The following CTNNA2 variants were observed in gnomAD, a reference collection of about 807,000 sequenced individuals.
CTNNA2 encodes catenin alpha 2, also known as catenin alpha-2.
Under a neutral mutation model 101.0 loss-of-function variants are expected in CTNNA2, and 42 were observed. That is an observed-to-expected ratio of 0.42 (90% confidence interval 0.32 to 0.54). The LOEUF (loss-of-function observed/expected upper bound fraction) is 0.54, where lower values mean the gene tolerates loss of function less well. Among genes scored for constraint, CTNNA2 ranks in the 20% least tolerant of loss-of-function variants. The pLI is 0.14. For missense variants in CTNNA2, 871 were observed against 1,223.1 expected (o/e 0.71, Z 4.29); for synonymous variants, 450 against 456.4 (o/e 0.99, Z 0.18).
At chr2:80,504,484 C>T (rs1307025674) in intron 9 of CTNNA2, among the ~76,000 whole-genome samples, 1 of 152,094 alleles carries the variant, frequency 6.6e-6, no homozygotes, top group East Asian at 1.9e-4. Context: ...TGAATCCTTT[C>T]CATACTCTAG....
chr2:80,476,108 A>G (rs549693527), intron 9 of CTNNA2, among the ~76,000 whole-genome samples: 3 of 152,238 alleles, frequency 2.0e-5, no homozygotes, highest in Non-Finnish European at 4.4e-5. Flanking sequence ...GAACTGAGCT[A>G]AATGTCATTC....
Position 80,202,926 on chromosome 2 carries a change from G to A in CTNNA2, c.1057-190285G>A, listed in dbSNP as rs546861673. The stretch of plus-strand genomic sequence containing the variant: ...TATGGACTTACAGTTCCACGTGACC[G>A]GGGAGGCCTAACAATCATGGCAGAA... On this transcript the variant is annotated intron_variant, in intron 7 of 18. Transcript: ENST00000402739. Among the ~76,000 whole-genome samples, 41 of 152,260 alleles carry A rather than the reference G, an allele frequency of 2.7e-4. No homozygotes were observed. In the South Asian group the frequency reaches 6.8e-3, roughly 25 times the overall value.
intron 7 of CTNNA2, among the ~76,000 whole-genome samples, chr2:80,372,083 A>T (rs1675494253): frequency 6.6e-6 from 1 of 152,160 alleles, no homozygotes; most frequent in Admixed American, 6.6e-5. Flanking sequence ...GGACAATATA[A>T]GAAATTTTGA....
At chr2:79,239,496 G>C (rs1280143314) in intron 2 of CTNNA2, among the ~76,000 whole-genome samples, 1 of 151,990 alleles carries the variant, frequency 6.6e-6, no homozygotes, top group Admixed American at 6.6e-5. Flanking sequence ...CTCCAGCCTG[G>C]GTGACAGAGA....
chr2:79,322,850 C>T (rs1442562134), intron 3 of CTNNA2, among the ~76,000 whole-genome samples: 3 of 152,114 alleles, frequency 2.0e-5, no homozygotes, highest in Non-Finnish European at 2.9e-5. Context: ...CCCAGTCAAA[C>T]GGTCTTTCCA....
intron 9 of CTNNA2, among the ~76,000 whole-genome samples, chr2:80,445,726 T>G (rs1351030752): frequency 6.6e-6 from 1 of 152,216 alleles, no homozygotes; most frequent in African/African-American, 2.4e-5. Flanking sequence ...ACTGACATTG[T>G]TGCTATAGTC....
chr2:80,065,686 C>T (rs1697938691), intron 7 of CTNNA2, among the ~76,000 whole-genome samples: 1 of 152,088 alleles, frequency 6.6e-6, no homozygotes, highest in Non-Finnish European at 1.5e-5. Context: ...TGCCTTCGTT[C>T]CATAAATTAC....
chr2:80,435,802 A>G (rs1000789755), intron 9 of CTNNA2, among the ~76,000 whole-genome samples: 7 of 152,210 alleles, frequency 4.6e-5, no homozygotes, highest in African/African-American at 1.7e-4. Context: ...GGATAGGCCT[A>G]TGATCAATCT....
intron 6 of CTNNA2, among the ~76,000 whole-genome samples, chr2:79,882,620 C>G (rs1409554031): frequency 1.3e-5 from 2 of 152,232 alleles, no homozygotes; most frequent in African/African-American, 4.8e-5. Flanking sequence ...CTTACCCCTC[C>G]CAGGAAGCTT....
intron 7 of CTNNA2, among the ~76,000 whole-genome samples, chr2:79,953,983 A>C (rs1325699054): frequency 6.6e-6 from 1 of 152,156 alleles, no homozygotes; most frequent in Admixed American, 6.5e-5. Context: ...CTATCTAGAC[A>C]CTACCTGAAA....
intron 7 of CTNNA2, among the ~76,000 whole-genome samples, chr2:80,043,097 C>CTTTCTT (rs1558755056): frequency 0.011 from 260 of 24,288 alleles, 2 homozygotes; most frequent in South Asian, 0.031. Context: ...CTTTCTTTCT[C>CTTTCTT]TCTCTCTCTC....
chr2:79,363,907 G>A (rs996568837), intron 3 of CTNNA2, among the ~76,000 whole-genome samples: 1 of 152,204 alleles, frequency 6.6e-6, no homozygotes, highest in Non-Finnish European at 1.5e-5. Flanking sequence ...AGGTCAAAGA[G>A]GATTGAATGT....
chr2:79,283,740 G>A (rs12996699), intron 2 of CTNNA2, among the ~76,000 whole-genome samples: 11,085 of 50,658 alleles, frequency 0.22, 1,028 homozygotes, highest in East Asian at 0.45. Context: ...TTGGCGATGC[G>A]GGCTCTTTTT....
At chr2:79,468,305 GATGA>G (rs1401858183) in intron 4 of CTNNA2, among the ~76,000 whole-genome samples, 2 of 152,162 alleles carry the variant, frequency 1.3e-5, no homozygotes, top group Admixed American at 6.5e-5. Flanking sequence ...ATGGTAAAGG[GATGA>G]ATTCAACAAG....
intron 3 of CTNNA2, among the ~76,000 whole-genome samples, chr2:79,345,695 G>T (rs760795939): frequency 3.3e-5 from 5 of 151,866 alleles, no homozygotes; most frequent in Non-Finnish European, 7.4e-5. Flanking sequence ...TTTTTTGTGG[G>T]TTGTTTGTCT....
chr2:80,317,462 A>G (rs1350031584), intron 7 of CTNNA2, among the ~76,000 whole-genome samples: 1 of 152,094 alleles, frequency 6.6e-6, no homozygotes, highest in African/African-American at 2.4e-5. Flanking sequence ...ATATAAAGTG[A>G]TTTTTCTGCA....
chr2:80,585,240 A>C (rs562793947), intron 14 of CTNNA2, among the ~76,000 whole-genome samples: 1 of 152,318 alleles, frequency 6.6e-6, no homozygotes, highest in Non-Finnish European at 1.5e-5. Context: ...GAATGGATTC[A>C]GTGCTATCTG....
At chr2:80,384,627 T>A (rs1242924292) in intron 7 of CTNNA2, among the ~76,000 whole-genome samples, 1 of 151,086 alleles carries the variant, frequency 6.6e-6, no homozygotes. Flanking sequence ...AAAGAGAGAT[T>A]TGAGGAACAG....
At chr2:80,210,538 T>C (rs995356277) in intron 7 of CTNNA2, among the ~76,000 whole-genome samples, 1 of 152,232 alleles carries the variant, frequency 6.6e-6, no homozygotes, top group African/African-American at 2.4e-5. Context: ...ACAAAGGACA[T>C]GAACTCATCC....
Sources: gnomAD v4.1 joint callset for allele counts (sites outside exome capture counted in the v4.1 genomes callset) on GRCh38, gnomAD v4.1.1 for gene constraint, MANE v1.5 for transcripts, NCBI Gene and HGNC (gene_info 2026-07-23, HGNC 2026-07-21) for gene names.